ZFYVE27: variants seen among roughly 807,000 people sequenced by gnomAD.
The protein encoded by ZFYVE27 is zinc finger FYVE-type containing 27, also known as protrudin.
A neutral mutation model predicts 52.8 loss-of-function variants in ZFYVE27; 36 were observed. That is an observed-to-expected ratio of 0.68 (90% CI 0.52 to 0.90). The LOEUF (loss-of-function observed/expected upper bound fraction) is 0.90, where lower values mean the gene tolerates loss of function less well. Ranked by LOEUF, ZFYVE27 falls within the 40% of genes least tolerant of loss-of-function variation. The pLI is 0.00. For synonymous variants in ZFYVE27, 223 were observed against 215.6 expected (o/e 1.03, Z -0.30); for missense variants, 450 against 527.2 (o/e 0.85, Z 1.43).
chr10:97,759,498 G>T lies in ZFYVE27; in HGVS notation c.*198G>T. ...TCCATGAGAGTGGCTGGCAATGGCTGCTCTCAATCCCTTGAGGGAGAAGAG... is the reference window on the plus strand; with the variant it reads ...TCCATGAGAGTGGCTGGCAATGGCTTCTCTCAATCCCTTGAGGGAGAAGAG... On this transcript the variant is annotated 3_prime_UTR_variant, in exon 13 of 13. Transcript: ENST00000684270. 1 of 661,714 alleles carries T rather than the reference G, an allele frequency of 1.5e-6. No individual in the cohort carries two copies. Among genetic ancestry groups the T allele is most frequent in the Non-Finnish European group, 2.7e-6 (1 of 365,274 alleles). The allele number at this position is 661,714 out of a possible 1,614,324, so 41.0% of individuals were successfully genotyped here.
intron 1 of ZFYVE27, 148 bp from the exon 2 acceptor site, chr10:97,738,329 T>G (rs2042674364): frequency 1.2e-6 from 1 of 822,020 alleles, no homozygotes; most frequent in Non-Finnish European, 2.0e-6. Context: ...GAGCATTGGA[T>G]GGAGAGTACA....
chr10:97,759,364 C>T lies in ZFYVE27; in HGVS notation c.*64C>T, dbSNP rs1244427562. 2 of 1,571,826 alleles carry T rather than the reference C, an allele frequency of 1.3e-6. No individual in the cohort carries two copies. The highest frequency in any genetic ancestry group is 1.4e-5 in the African/African-American group (1 of 74,052). ...GACCAGCAGTAGACCCCCCACTCTC[C>T]CCACCCCTGGCCCACTGTGGTGTGT... On this transcript the variant is annotated 3_prime_UTR_variant, in exon 13 of 13. Coordinates refer to ENST00000684270, the MANE Select transcript of ZFYVE27 (RefSeq NM_001385875.1).
chr10:97,738,780 C>T, intron 2 of ZFYVE27, 106 bp downstream of exon 2: 2 of 1,332,568 alleles, frequency 1.5e-6, no homozygotes, highest in Non-Finnish European at 2.1e-6. Flanking sequence ...CCTTTCTGCC[C>T]TAGTGAGGAG....
At chr10:97,754,470 G>T (rs2047836303) in intron 10 of ZFYVE27, among the ~76,000 whole-genome samples, 1 of 152,010 alleles carries the variant, frequency 6.6e-6, no homozygotes, top group Admixed American at 6.6e-5. Context: ...GTAGCACCAT[G>T]CCTGGCTAAT....
intron 6 of ZFYVE27, among the ~76,000 whole-genome samples, chr10:97,749,809 C>A (rs189103465): frequency 6.6e-6 from 1 of 152,236 alleles, no homozygotes; most frequent in Admixed American, 6.5e-5. Flanking sequence ...CATCTCCCTT[C>A]GCTCCCTTCC....
intron 3 of ZFYVE27, among the ~76,000 whole-genome samples, chr10:97,743,606 C>A (rs2044353104): frequency 6.6e-6 from 1 of 152,174 alleles, no homozygotes; most frequent in Admixed American, 6.5e-5. Context: ...ATTCAAGGGT[C>A]ATCTGGGGAC....
At position 97,757,217 on chromosome 10, in the gene ZFYVE27, G is replaced by A. The variant is rs1359647680; in HGVS notation, c.1043-48G>A. ...AGAAGCGCCAGGAGCAGGTGAGCGTGAGAGTCCTGGGATGGGCGGGGGTTG... is the reference window on the plus strand; with the variant it reads ...AGAAGCGCCAGGAGCAGGTGAGCGTAAGAGTCCTGGGATGGGCGGGGGTTG... On this transcript the variant is annotated intron_variant, in intron 10 of 12. Transcript: ENST00000684270. 3.1e-6 allele frequency: 5 copies of A among 1,613,890 alleles called. No homozygotes were observed. The East Asian group carries it at 1.1e-4, about 36-fold the overall frequency.
intron 8 of ZFYVE27, among the ~76,000 whole-genome samples, chr10:97,751,753 T>C (rs1254879874): frequency 6.6e-6 from 1 of 152,028 alleles, no homozygotes; most frequent in Admixed American, 6.5e-5. Flanking sequence ...CTTGGTGCCT[T>C]TGATATAGGA....
In ZFYVE27 at chr10:97,754,777, C is replaced by T. The variant is rs534575702; in HGVS notation, c.1042+1595C>T. The T allele has an allele frequency of 3.9e-6, 5 of 1,289,424 alleles. No homozygotes were observed. The East Asian group carries it at 2.2e-4, about 57-fold the overall frequency. 79.9% of individuals were successfully genotyped at this position (1,289,424 alleles called of 1,614,324 possible). A position where few individuals can be genotyped will look rare whatever the true frequency, so the allele number is the denominator to read the frequency against. ...AGGGTTCAGAGCAGCCAGATTCCAGCAGTGCCCGGTAACACTACACACAAG... is the reference window on the plus strand; with the variant it reads ...AGGGTTCAGAGCAGCCAGATTCCAGTAGTGCCCGGTAACACTACACACAAG... On this transcript the variant is annotated intron_variant, in intron 10 of 12. Coordinates refer to ENST00000684270, the MANE Select transcript of ZFYVE27 (RefSeq NM_001385875.1).
At chr10:97,740,516 G>A (rs982663231) in intron 2 of ZFYVE27, among the ~76,000 whole-genome samples, 1 of 152,178 alleles carries the variant, frequency 6.6e-6, no homozygotes, top group African/African-American at 2.4e-5. Flanking sequence ...CGAAAGTTAA[G>A]TGTATCCTGT....
intron 2 of ZFYVE27, among the ~76,000 whole-genome samples, chr10:97,739,225 C>G (rs899981220): frequency 1.3e-5 from 2 of 150,002 alleles, no homozygotes; most frequent in Admixed American, 6.6e-5. Flanking sequence ...GCCACCATGC[C>G]TGGCTAATTA....
In ZFYVE27 at chr10:97,749,619, A is replaced by G. The variant is rs748514362; in HGVS notation, c.664+33A>G. 5 of 1,573,518 alleles carry G rather than the reference A, an allele frequency of 3.2e-6. No homozygotes were observed. The South Asian group carries it at 5.5e-5, about 17-fold the overall frequency. On this transcript the variant is annotated intron_variant, in intron 6 of 12. Coordinates refer to ENST00000684270, the MANE Select transcript of ZFYVE27 (RefSeq NM_001385875.1). The stretch of plus-strand genomic sequence containing the variant: ...CTGAAGGGCCTGAAAGATGGGGCCC[A>G]AGCTGGCTCTGAGGGCTAGGCTAGG...
intron 4 of ZFYVE27, among the ~76,000 whole-genome samples, chr10:97,746,729 AT>A (rs1157049930): frequency 6.8e-6 from 1 of 146,490 alleles, no homozygotes; most frequent in East Asian, 2.0e-4. Flanking sequence ...TTGCTCTGTC[AT>A]CCAGGCTGGA....
In ZFYVE27 at chr10:97,759,638, G is replaced by A. The variant is rs1424180814; in HGVS notation, c.*338G>A. The stretch of plus-strand genomic sequence containing the variant: ...GCAGCGAACTAGGCCAGGCCTGACT[G>A]GGGTCTGAAGATCAGGGTCAGTGTG... On this transcript the variant is annotated 3_prime_UTR_variant, in exon 13 of 13. Transcript: ENST00000684270. The A allele has an allele frequency of 4.9e-6, 2 of 404,728 alleles. No individual in the cohort carries two copies. The highest frequency in any genetic ancestry group is 4.1e-5 in the African/African-American group (2 of 49,142). The allele number at this position is 404,728 out of a possible 1,614,324, so 25.1% of individuals were successfully genotyped here.
intron 10 of ZFYVE27, among the ~76,000 whole-genome samples, chr10:97,756,063 C>T (rs1050538273): frequency 2.6e-5 from 4 of 152,138 alleles, no homozygotes; most frequent in African/African-American, 9.7e-5. Context: ...CCTGACATTC[C>T]ATTCAGTTTA....
chr10:97,747,883 C>T (rs1026407962), intron 4 of ZFYVE27, among the ~76,000 whole-genome samples: 5 of 152,156 alleles, frequency 3.3e-5, no homozygotes, highest in African/African-American at 1.2e-4. Context: ...TGTTTCACAT[C>T]CCAGGTAGAG....
chr10:97,737,763 T>A (rs1463337550), intron 1 of ZFYVE27, among the ~76,000 whole-genome samples: 1 of 152,144 alleles, frequency 6.6e-6, no homozygotes, highest in East Asian at 1.9e-4. Context: ...GGTTTCCTCA[T>A]CAGAAAGGGC....
intron 10 of ZFYVE27, chr10:97,754,755 G>C (rs1271523459): frequency 7.8e-7 from 1 of 1,289,350 alleles, no homozygotes; most frequent in East Asian, 5.5e-5. Context: ...GTTCTTAAGG[G>C]TTCAGAGCAG....
intron 10 of ZFYVE27, among the ~76,000 whole-genome samples, chr10:97,755,810 C>T (rs1337881721): frequency 6.6e-6 from 1 of 152,198 alleles, no homozygotes; most frequent in African/African-American, 2.4e-5. Context: ...GACTGTTGCC[C>T]TGGCAGGCCC....
Sources: gnomAD v4.1 joint callset for allele counts (sites outside exome capture counted in the v4.1 genomes callset) on GRCh38, gnomAD v4.1.1 for gene constraint, MANE v1.5 for transcripts, NCBI Gene and HGNC (gene_info 2026-07-23, HGNC 2026-07-21) for gene names.